DMD: variants seen among roughly 807,000 people sequenced by gnomAD.
The protein encoded by DMD is mutant dystrophin.
A neutral mutation model predicts 330.1 loss-of-function variants in DMD; 63 were observed. The ratio of observed to expected loss-of-function variants is 0.19; its 90% CI spans 0.16 to 0.24. DMD has a LOEUF of 0.24. Among genes scored for constraint, DMD ranks in the 10% least tolerant of loss-of-function variants. The pLI is 1.00. For missense variants in DMD, 3,344 were observed against 2,684.1 expected (o/e 1.25, Z -5.43); for synonymous variants, 1,223 against 959.8 (o/e 1.27, Z -5.07).
intron 17 of DMD, among the ~76,000 whole-genome samples, chrX:32,529,490 G>A (rs112082881): frequency 4.6e-5 from 4 of 86,081 alleles, no homozygotes; most frequent in Non-Finnish European, 8.6e-5. Context: ...GCCTCCTGGG[G>A]ACAAGCAATT....
intron 1 of DMD, among the ~76,000 whole-genome samples, chrX:33,126,386 G>T (rs2095464904): frequency 9.0e-6 from 1 of 111,443 alleles, no homozygotes; most frequent in African/African-American, 3.3e-5. Context: ...AGCAGCATCA[G>T]CATCTCCTAA....
chrX:31,687,420 G>T (rs1469599157), intron 52 of DMD, among the ~76,000 whole-genome samples: 3 of 110,878 alleles, frequency 2.7e-5, no homozygotes, highest in African/African-American at 9.8e-5. Context: ...CCTGCCTTGG[G>T]CCAGAGGGGA....
chrX:32,366,356 T>C (rs996888443), intron 34 of DMD, among the ~76,000 whole-genome samples: 1 of 111,839 alleles, frequency 8.9e-6, no homozygotes, highest in African/African-American at 3.3e-5. Context: ...CAGACCCTTT[T>C]TCTCCTTTCT....
rs786205603 is a variant in DMD, at chrX:32,438,393, G to A, written c.3922-3C>T. 12 of 1,210,401 alleles carry A rather than the reference G, an allele frequency of 9.9e-6. No individual in the cohort carries two copies. Among genetic ancestry groups the A allele is most frequent in the Non-Finnish European group, 1.3e-5 (12 of 894,559 alleles). The stretch of plus-strand genomic sequence containing the variant: ...TGTCGCATCAAATTTTCAAGTGACT[G>A]AAACACATTTGCAATAATTACTATT... On this transcript the variant is annotated splice_region_variant and splice_polypyrimidine_tract_variant and intron_variant, in intron 28 of 78. Coordinates refer to ENST00000357033, the MANE Select transcript of DMD (RefSeq NM_004006.3).
At position 32,480,526 on chromosome X, in the gene DMD, A is replaced by C. The variant is rs894402789; in HGVS notation, c.2803+4393T>G. Reference sequence around the variant, plus strand: ...ATACACAGAATGTGTCTACGTGTGTATATACACAGTATGTGTCTACGTGTG... The same window carrying C: ...ATACACAGAATGTGTCTACGTGTGTCTATACACAGTATGTGTCTACGTGTG... On this transcript the variant is annotated intron_variant, in intron 21 of 78. Coordinates refer to ENST00000357033, the MANE Select transcript of DMD (RefSeq NM_004006.3). 3.6e-5 allele frequency among the ~76,000 whole-genome samples: 4 copies of C among 111,231 alleles called. No homozygotes were observed. The South Asian group carries it at 1.5e-3, about 41-fold the overall frequency.
intron 44 of DMD, among the ~76,000 whole-genome samples, chrX:32,082,429 T>TATCTATC (rs2096400614): frequency 1.8e-5 from 2 of 109,293 alleles, no homozygotes; most frequent in South Asian, 4.1e-4. Context: ...TCTATCTATC[T>TATCTATC]ATCTATCTAT....
At chrX:32,814,252 T>A (rs1160963983) in intron 6 of DMD, among the ~76,000 whole-genome samples, 1 of 112,556 alleles carries the variant, frequency 8.9e-6, no homozygotes. Context: ...TACATATTTC[T>A]AAGCAATTAT....
At chrX:32,838,347 T>G (rs754534194) in intron 4 of DMD, among the ~76,000 whole-genome samples, 1 of 111,112 alleles carries the variant, frequency 9.0e-6, no homozygotes, top group South Asian at 3.8e-4. Flanking sequence ...GCTGTACCCA[T>G]AGACCCGTCA....
intron 7 of DMD, among the ~76,000 whole-genome samples, chrX:32,757,767 G>A (rs1263333512): frequency 9.0e-6 from 1 of 111,635 alleles, no homozygotes; most frequent in Non-Finnish European, 1.9e-5. Flanking sequence ...CTAGTCTTTG[G>A]TACGCCTTTA....
intron 63 of DMD, among the ~76,000 whole-genome samples, chrX:31,246,924 T>C (rs1018505462): frequency 2.8e-5 from 3 of 108,017 alleles, no homozygotes; most frequent in Non-Finnish European, 5.7e-5. Flanking sequence ...AGACTCCGTC[T>C]TGGAAGGAAA....
At chrX:31,564,117 A>G (rs1428244759) in intron 55 of DMD, among the ~76,000 whole-genome samples, 3 of 111,177 alleles carry the variant, frequency 2.7e-5, no homozygotes, top group African/African-American at 9.8e-5. Context: ...AACTAGGGGA[A>G]TGGAATGGAA....
At chrX:31,304,602 T>G (rs2054883499) in intron 62 of DMD, among the ~76,000 whole-genome samples, 2 of 99,863 alleles carry the variant, frequency 2.0e-5, no homozygotes, top group South Asian at 7.9e-4. Flanking sequence ...TTGTGAGCAT[T>G]TTATATATAT....
rs1157794161 is a variant in DMD at position 31,325,456 on chromosome X, A to T, written c.9164-1798T>A. Reference sequence around the variant, plus strand: ...CTCTACTAAAAATACCAAAAAAAAAAAAAAAAAAAAAGCCGGGCATGGTGG... The same window carrying T: ...CTCTACTAAAAATACCAAAAAAAAATAAAAAAAAAAAGCCGGGCATGGTGG... On this transcript the variant is annotated intron_variant, in intron 61 of 78. Coordinates refer to ENST00000357033, the MANE Select transcript of DMD (RefSeq NM_004006.3). Among the ~76,000 whole-genome samples the T allele has an allele frequency of 2.8e-5, 3 of 106,740 alleles. No homozygotes were observed. In the East Asian group the frequency reaches 8.8e-4, roughly 31 times the overall value. The allele number at this position is 106,740 out of a possible 115,157, so 92.7% of individuals were successfully genotyped here. A position where few individuals can be genotyped will look rare whatever the true frequency, so the allele number is the denominator to read the frequency against.
At chrX:32,002,063 G>A (rs1181424220) in intron 44 of DMD, among the ~76,000 whole-genome samples, 1 of 111,718 alleles carries the variant, frequency 9.0e-6, no homozygotes, top group East Asian at 2.8e-4. Context: ...CATCATGATG[G>A]TCAAAGCCTG....
At chrX:32,141,412 G>A (rs1282482423) in intron 44 of DMD, among the ~76,000 whole-genome samples, 1 of 107,459 alleles carries the variant, frequency 9.3e-6, no homozygotes. Flanking sequence ...CTTCAGCCTG[G>A]GTGACAGAGC....
intron 38 of DMD, among the ~76,000 whole-genome samples, chrX:32,348,205 G>GT (rs760988720): frequency 9.0e-6 from 1 of 111,177 alleles, no homozygotes; most frequent in Non-Finnish European, 1.9e-5. Flanking sequence ...ATTAGAAACC[G>GT]TAAGTGCTCC....
chrX:31,338,966 C>G (rs1053266199), intron 61 of DMD, among the ~76,000 whole-genome samples: 4 of 62,469 alleles, frequency 6.4e-5, no homozygotes, highest in African/African-American at 2.3e-4. Context: ...AAAAAAAAAA[C>G]AAAGTGCCCC....
chrX:32,153,272 A>G (rs747052541), intron 44 of DMD, among the ~76,000 whole-genome samples: 1 of 111,965 alleles, frequency 8.9e-6, no homozygotes, highest in Non-Finnish European at 1.9e-5. Flanking sequence ...AGGGATATTT[A>G]ATGATTAAAT....
intron 55 of DMD, among the ~76,000 whole-genome samples, chrX:31,582,170 C>G (rs2076372225): frequency 8.9e-6 from 1 of 111,802 alleles, no homozygotes; most frequent in Non-Finnish European, 1.9e-5. Context: ...TCATCCTGTA[C>G]AACTTACTGA....
Sources: allele counts gnomAD v4.1 joint callset (sites outside exome capture counted in the v4.1 genomes callset), GRCh38; gene constraint gnomAD v4.1.1; transcripts MANE v1.5; gene names NCBI Gene and HGNC (gene_info 2026-07-23, HGNC 2026-07-21).